SCFD2: variants seen among roughly 807,000 people sequenced by gnomAD.
The protein encoded by SCFD2 is sec1 family domain containing 2.
In SCFD2, 54 loss-of-function variants were observed where a neutral mutation model predicts 58.9. The ratio of observed to expected loss-of-function variants is 0.92; its 90% CI spans 0.74 to 1.15. SCFD2 has a LOEUF of 1.15. Ranked by LOEUF, SCFD2 falls within the 50% of genes most tolerant of loss-of-function variation. The pLI, the probability that SCFD2 is intolerant of heterozygous loss-of-function variation, is 0.00. For missense variants in SCFD2, 805 were observed against 836.6 expected (o/e 0.96, Z 0.47); for synonymous variants, 321 against 335.9 (o/e 0.96, Z 0.49).
chr4:53,077,370 C>T (rs1294864315), intron 5 of SCFD2, among the ~76,000 whole-genome samples: 1 of 152,172 alleles, frequency 6.6e-6, no homozygotes, highest in African/African-American at 2.4e-5. Context: ...CCTAGTTTGA[C>T]AAATGCTCAA....
intron 5 of SCFD2, among the ~76,000 whole-genome samples, chr4:52,991,181 A>T (rs13104612): frequency 6.6e-6 from 1 of 152,112 alleles, no homozygotes; most frequent in Admixed American, 6.5e-5. Context: ...GTTGGTGTTC[A>T]GTATGCTTGG....
At chr4:52,988,372 A>G (rs1399551019) in intron 5 of SCFD2, among the ~76,000 whole-genome samples, 1 of 152,188 alleles carries the variant, frequency 6.6e-6, no homozygotes, top group African/African-American at 2.4e-5. Context: ...ATTTAAAGAA[A>G]CAGTGAAAAA....
chr4:53,044,798 G>C (rs1487028988), intron 5 of SCFD2, among the ~76,000 whole-genome samples: 2 of 150,930 alleles, frequency 1.3e-5, no homozygotes, highest in Non-Finnish European at 2.9e-5. Flanking sequence ...TCTTTACATA[G>C]TGAGTCAATT....
At chr4:52,983,324 G>A (rs1041315636) in intron 5 of SCFD2, among the ~76,000 whole-genome samples, 2 of 152,174 alleles carry the variant, frequency 1.3e-5, no homozygotes, top group Non-Finnish European at 2.9e-5. Flanking sequence ...AGAGAATTGT[G>A]GTGATATTTA....
At chr4:53,208,510 G>A (rs1425726540) in intron 4 of SCFD2, among the ~76,000 whole-genome samples, 1 of 152,144 alleles carries the variant, frequency 6.6e-6, no homozygotes, top group Non-Finnish European at 1.5e-5. Flanking sequence ...AGACCTCATA[G>A]TTCAGCAAAG....
At chr4:53,318,417 A>T (rs1318197343) in intron 2 of SCFD2, among the ~76,000 whole-genome samples, 8 of 152,196 alleles carry the variant, frequency 5.3e-5, no homozygotes, top group Non-Finnish European at 8.8e-5. Context: ...TTGGGTCAGA[A>T]GCAAACATTA....
intron 4 of SCFD2, among the ~76,000 whole-genome samples, chr4:53,194,157 T>C (rs1727991673): frequency 6.6e-6 from 1 of 152,198 alleles, no homozygotes; most frequent in African/African-American, 2.4e-5. Flanking sequence ...CTCTATTGAT[T>C]ACCTTCTTCA....
chr4:53,181,486 G>C (rs1228020446), intron 4 of SCFD2, among the ~76,000 whole-genome samples: 2 of 152,080 alleles, frequency 1.3e-5, no homozygotes, highest in African/African-American at 2.4e-5. Context: ...CAATAAATTA[G>C]GTATGGATGG....
intron 5 of SCFD2, among the ~76,000 whole-genome samples, chr4:53,082,734 A>T (rs548513998): frequency 5.3e-4 from 80 of 152,148 alleles, no homozygotes; most frequent in African/African-American, 1.9e-3. Flanking sequence ...GGTCTCAGAG[A>T]GCAGAGAGCA....
intron 8 of SCFD2, among the ~76,000 whole-genome samples, chr4:52,880,287 A>T (rs79437153): frequency 4.2e-5 from 6 of 143,284 alleles, no homozygotes; most frequent in African/African-American, 7.7e-5. Flanking sequence ...GTGCAAAACT[A>T]TTTTTTTTTT....
chr4:53,304,619 T>C (rs1235603904), intron 3 of SCFD2, among the ~76,000 whole-genome samples: 1 of 151,938 alleles, frequency 6.6e-6, no homozygotes, highest in African/African-American at 2.4e-5. Context: ...TCGATTCAGC[T>C]ATTGATACTT....
intron 5 of SCFD2, among the ~76,000 whole-genome samples, chr4:52,985,229 A>C (rs1372949526): frequency 1.3e-5 from 2 of 152,200 alleles, no homozygotes; most frequent in Non-Finnish European, 2.9e-5. Context: ...CCTCCCAGGT[A>C]TGAAGAGTGG....
At chr4:53,017,424 T>C (rs566457683) in intron 5 of SCFD2, among the ~76,000 whole-genome samples, 5 of 152,332 alleles carry the variant, frequency 3.3e-5, no homozygotes, top group Non-Finnish European at 7.4e-5. Context: ...TGCTATCTGT[T>C]TTATATCTGT....
intron 3 of SCFD2, among the ~76,000 whole-genome samples, chr4:53,294,521 G>T (rs1731954509): frequency 6.6e-6 from 1 of 152,070 alleles, no homozygotes; most frequent in South Asian, 2.1e-4. Flanking sequence ...TAAGTTATTT[G>T]TAGATTCTGG....
At chr4:53,296,617 G>GT (rs1229754913) in intron 3 of SCFD2, among the ~76,000 whole-genome samples, 1 of 152,064 alleles carries the variant, frequency 6.6e-6, no homozygotes. Flanking sequence ...TTTTTGAAGT[G>GT]TTTTTTATGT....
chr4:53,265,082 C>T (rs1344201446), intron 4 of SCFD2, among the ~76,000 whole-genome samples: 1 of 152,120 alleles, frequency 6.6e-6, no homozygotes, highest in East Asian at 1.9e-4. Context: ...GAAGTTTAAA[C>T]ACAGCTGCTT....
At chr4:53,234,132 G>A (rs1729523205) in intron 4 of SCFD2, among the ~76,000 whole-genome samples, 2 of 152,140 alleles carry the variant, frequency 1.3e-5, no homozygotes, top group South Asian at 4.1e-4. Context: ...TAGTAGTAAT[G>A]TACTGATAAA....
intron 4 of SCFD2, among the ~76,000 whole-genome samples, chr4:53,257,050 A>G (rs925794536): frequency 6.6e-6 from 1 of 152,110 alleles, no homozygotes; most frequent in African/African-American, 2.4e-5. Context: ...ACAAACTCCC[A>G]TGACACGAGT....
At chr4:53,245,664 T>C (rs1203181529) in intron 4 of SCFD2, among the ~76,000 whole-genome samples, 1 of 152,044 alleles carries the variant, frequency 6.6e-6, no homozygotes, top group East Asian at 1.9e-4. Flanking sequence ...ATTGCAGGAA[T>C]ATACCTCATA....
Sources: gnomAD v4.1 joint callset for allele counts (sites outside exome capture counted in the v4.1 genomes callset) on GRCh38, gnomAD v4.1.1 for gene constraint, MANE v1.5 for transcripts, NCBI Gene and HGNC (gene_info 2026-07-23, HGNC 2026-07-21) for gene names.